ASCC3: variants seen among roughly 807,000 people sequenced by gnomAD.
ASCC3 encodes the protein activating signal cointegrator 1 complex subunit 3.
A neutral mutation model predicts 256.3 loss-of-function variants in ASCC3; 158 were observed. The ratio of observed to expected loss-of-function variants is 0.62; its 90% CI spans 0.54 to 0.70. The LOEUF is 0.70. Ranked by LOEUF, ASCC3 falls within the 30% of genes least tolerant of loss-of-function variation. The pLI is 0.00. For missense variants in ASCC3, 2,259 were observed against 2,626.0 expected (o/e 0.86, Z 3.05); for synonymous variants, 948 against 883.4 (o/e 1.07, Z -1.30).
At chr6:100,658,843 T>C (rs954658326) in intron 16 of ASCC3, among the ~76,000 whole-genome samples, 9 of 151,634 alleles carry the variant, frequency 5.9e-5, no homozygotes, top group African/African-American at 2.2e-4. Context: ...GTATGTAGTA[T>C]GTAAAGTGAA....
chr6:100,790,987 C>T (rs961180846), intron 8 of ASCC3, among the ~76,000 whole-genome samples: 2 of 151,632 alleles, frequency 1.3e-5, no homozygotes, highest in African/African-American at 4.8e-5. Flanking sequence ...ACAGTATTTC[C>T]CCTCAAATAA....
chr6:100,863,945 A>C (rs763724214), intron 3 of ASCC3, 119 bp downstream of exon 3: 26 of 960,762 alleles, frequency 2.7e-5, no homozygotes, highest in Non-Finnish European at 3.7e-5. Context: ...CATAATTATG[A>C]ATACTTAGAT....
intron 14 of ASCC3, among the ~76,000 whole-genome samples, chr6:100,673,038 T>TG (rs1372251045): frequency 6.6e-6 from 1 of 152,058 alleles, no homozygotes; most frequent in African/African-American, 2.4e-5. Context: ...TATGTTATTC[T>TG]GATTGTGTTA....
intron 3 of ASCC3, among the ~76,000 whole-genome samples, chr6:100,860,116 T>C (rs957418961): frequency 3.9e-5 from 6 of 152,034 alleles, no homozygotes; most frequent in African/African-American, 1.4e-4. Context: ...ATATGCCTAA[T>C]ACATAATGCA....
chr6:100,678,032 C>T (rs1017029858), intron 14 of ASCC3, among the ~76,000 whole-genome samples: 21 of 152,054 alleles, frequency 1.4e-4, no homozygotes, highest in Admixed American at 1.2e-3. Context: ...ACACATATGC[C>T]ATATCAAGGG....
intron 36 of ASCC3, among the ~76,000 whole-genome samples, chr6:100,548,806 C>T (rs1195245928): frequency 6.6e-6 from 1 of 151,956 alleles, no homozygotes; most frequent in African/African-American, 2.4e-5. Flanking sequence ...TACAGTAGTT[C>T]TCCCTTATCC....
At chr6:100,690,438 T>C (rs1033496094) in intron 13 of ASCC3, among the ~76,000 whole-genome samples, 1 of 152,046 alleles carries the variant, frequency 6.6e-6, no homozygotes, top group Non-Finnish European at 1.5e-5. Flanking sequence ...GGTAAAAAAA[T>C]TGACACTACT....
chr6:100,838,320 A>C (rs1056180625), intron 4 of ASCC3, among the ~76,000 whole-genome samples: 6 of 152,064 alleles, frequency 3.9e-5, no homozygotes, highest in Non-Finnish European at 5.9e-5. Context: ...GTTCATATGG[A>C]TCTGAATATG....
chr6:100,606,214 CA>C (rs1331539932), intron 32 of ASCC3, among the ~76,000 whole-genome samples: 1 of 152,004 alleles, frequency 6.6e-6, no homozygotes, highest in South Asian at 2.1e-4. Flanking sequence ...ACAGCTTTTA[CA>C]TGTATTCATT....
intron 4 of ASCC3, among the ~76,000 whole-genome samples, chr6:100,833,440 T>G (rs545429855): frequency 6.6e-6 from 1 of 152,330 alleles, no homozygotes; most frequent in African/African-American, 2.4e-5. Flanking sequence ...TGAATCCTTC[T>G]GTAATCTTAC....
chr6:100,645,009 A>T (rs1036468078), intron 22 of ASCC3, among the ~76,000 whole-genome samples: 2 of 152,188 alleles, frequency 1.3e-5, no homozygotes, highest in East Asian at 3.8e-4. Context: ...TGGACCTTTC[A>T]TTATGAAAGA....
intron 36 of ASCC3, among the ~76,000 whole-genome samples, chr6:100,562,993 A>G (rs1446010515): frequency 6.6e-6 from 1 of 151,976 alleles, no homozygotes; most frequent in African/African-American, 2.4e-5. Flanking sequence ...ATCAGTGAGA[A>G]GGCTGAGTAT....
At chr6:100,881,006 T>A (rs1769280441) in intron 1 of ASCC3, 55 bp downstream of exon 1, 1 of 151,736 alleles carries the variant, frequency 6.6e-6, no homozygotes, top group Non-Finnish European at 1.5e-5. Flanking sequence ...TCCAGCCAGC[T>A]CCCCTGGCCG....
intron 40 of ASCC3, among the ~76,000 whole-genome samples, chr6:100,510,729 C>T (rs994569990): frequency 6.6e-6 from 1 of 152,134 alleles, no homozygotes; most frequent in East Asian, 1.9e-4. Context: ...ATATTAATCA[C>T]CACAATCCAA....
At chr6:100,525,004 A>G (rs1774496288) in intron 37 of ASCC3, among the ~76,000 whole-genome samples, 2 of 151,368 alleles carry the variant, frequency 1.3e-5, no homozygotes, top group African/African-American at 2.4e-5. Flanking sequence ...CCAGCTTGGG[A>G]AACAGTGAGA....
At chr6:100,863,742 A>C (rs1414290921) in intron 3 of ASCC3, among the ~76,000 whole-genome samples, 1 of 152,080 alleles carries the variant, frequency 6.6e-6, no homozygotes, top group Non-Finnish European at 1.5e-5. Flanking sequence ...CAGCCTCCAG[A>C]GTAGCTGGGA....
intron 37 of ASCC3, among the ~76,000 whole-genome samples, chr6:100,528,230 A>G (rs1455777754): frequency 6.6e-6 from 1 of 152,238 alleles, no homozygotes; most frequent in African/African-American, 2.4e-5. Context: ...TAGGAAAAAT[A>G]TAATACTAGC....
At chr6:100,836,838 A>C (rs1399904326) in intron 4 of ASCC3, among the ~76,000 whole-genome samples, 2 of 152,122 alleles carry the variant, frequency 1.3e-5, no homozygotes, top group African/African-American at 4.8e-5. Flanking sequence ...TTATTGGCAG[A>C]ATTCAGAAGT....
chr6:100,694,049 T>C (rs1307158491), intron 13 of ASCC3, among the ~76,000 whole-genome samples: 1 of 152,088 alleles, frequency 6.6e-6, no homozygotes, highest in Admixed American at 6.6e-5. Flanking sequence ...AATCTTCCAG[T>C]GGAAAGGGAC....
Sources: gnomAD v4.1 joint callset for allele counts (sites outside exome capture counted in the v4.1 genomes callset) on GRCh38, gnomAD v4.1.1 for gene constraint, MANE v1.5 for transcripts, NCBI Gene and HGNC (gene_info 2026-07-23, HGNC 2026-07-21) for gene names.